Variants in THSD4 observed in about 807,000 individuals in gnomAD.
THSD4 encodes thrombospondin type 1 domain containing 4.
Under a neutral mutation model 119.0 loss-of-function variants are expected in THSD4, and 69 were observed. The observed-to-expected ratio is 0.58, with a 90% CI of 0.48 to 0.71. The LOEUF (loss-of-function observed/expected upper bound fraction) is 0.71. Among genes scored for constraint, THSD4 ranks in the 30% least tolerant of loss-of-function variants. The pLI is 0.00. For missense variants in THSD4, 1,393 were observed against 1,391.1 expected (o/e 1.00, Z -0.02); for synonymous variants, 524 against 540.4 (o/e 0.97, Z 0.42).
chr15:71,510,278 G>GT (rs150428478), intron 7 of THSD4, among the ~76,000 whole-genome samples: 21,166 of 152,160 alleles, frequency 0.14, 1,790 homozygotes, highest in Non-Finnish European at 0.19. Context: ...AATGACAGCT[G>GT]TTTGTTCATC....
At chr15:71,462,773 A>G (rs963910943) in intron 7 of THSD4, among the ~76,000 whole-genome samples, 1 of 152,252 alleles carries the variant, frequency 6.6e-6, no homozygotes, top group Admixed American at 6.5e-5. Flanking sequence ...TCTTTAAAGT[A>G]CAGTCTCCAA....
intron 3 of THSD4, among the ~76,000 whole-genome samples, chr15:71,211,426 A>T (rs2043887420): frequency 1.3e-5 from 2 of 151,962 alleles, no homozygotes; most frequent in Admixed American, 6.6e-5. Flanking sequence ...GTGTTCTCAT[A>T]TGGTGGGGTG....
chr15:71,399,865 C>T (rs11072280), intron 6 of THSD4, among the ~76,000 whole-genome samples: 102,433 of 152,026 alleles, frequency 0.67, 35,804 homozygotes, highest in East Asian at 0.83. Flanking sequence ...GTTTGAAAGC[C>T]ACTGAATCAG....
At chr15:71,119,665 G>A (rs534907480) in intron 1 of THSD4, among the ~76,000 whole-genome samples, 4 of 152,284 alleles carry the variant, frequency 2.6e-5, no homozygotes, top group East Asian at 3.9e-4. Flanking sequence ...GGACCTGAGC[G>A]AGTGCTCAGG....
chr15:71,152,673 C>T (rs1212173623), intron 2 of THSD4, among the ~76,000 whole-genome samples: 1 of 152,098 alleles, frequency 6.6e-6, no homozygotes, highest in Non-Finnish European at 1.5e-5. Flanking sequence ...AAGACGTTCC[C>T]AGCGGGACTG....
At chr15:71,314,144 C>CT (rs1156895550) in intron 6 of THSD4, among the ~76,000 whole-genome samples, 4 of 151,860 alleles carry the variant, frequency 2.6e-5, no homozygotes, top group Admixed American at 1.3e-4. Context: ...TGATTATAGC[C>CT]TTTTTTAAAG....
chr15:71,293,140 G>A lies in THSD4; in HGVS notation c.1015+36425G>A, dbSNP rs992245152. Among the ~76,000 whole-genome samples the A allele has an allele frequency of 2.0e-5, 3 of 152,182 alleles. 1 individual carries two copies. The highest frequency in any genetic ancestry group is 1.3e-4 in the Admixed American group (2 of 15,282). On this transcript the variant is annotated intron_variant, in intron 6 of 17. Coordinates refer to ENST00000261862, the MANE Select transcript of THSD4 (RefSeq NM_024817.3). ...ATATTGGACAGGTCGAAAGTTCTAC[G>A]TGCATGTGCTGCAGATGCCCTGTGC...
chr15:71,238,489 A>G (rs574438857), intron 4 of THSD4, among the ~76,000 whole-genome samples: 9 of 152,222 alleles, frequency 5.9e-5, no homozygotes, highest in East Asian at 3.9e-4. Context: ...TCTCTCCCCA[A>G]TCCCTGGAAA....
chr15:71,575,956 A>T (rs2049440847), intron 7 of THSD4, among the ~76,000 whole-genome samples: 2 of 152,240 alleles, frequency 1.3e-5, no homozygotes, highest in African/African-American at 4.8e-5. Flanking sequence ...AAGTGTGAAA[A>T]TGAAGACTAT....
At chr15:71,734,575 T>C (rs1479962017) in intron 10 of THSD4, among the ~76,000 whole-genome samples, 1 of 152,142 alleles carries the variant, frequency 6.6e-6, no homozygotes, top group Non-Finnish European at 1.5e-5. Flanking sequence ...GGCGGATGCA[T>C]GTCACTGTGC....
chr15:71,485,737 C>T (rs2047805815), intron 7 of THSD4, among the ~76,000 whole-genome samples: 1 of 151,880 alleles, frequency 6.6e-6, no homozygotes, highest in Admixed American at 6.6e-5. Context: ...TTAACAGTAC[C>T]TCTCATTGAA....
rs2044761973 is a variant in THSD4 at position 71,289,417 on chromosome 15, G to A, written c.1015+32702G>A. Among the ~76,000 whole-genome samples, 3 of 152,138 alleles carry A rather than the reference G, an allele frequency of 2.0e-5. 1 individual carries two copies. The South Asian group carries it at 6.2e-4, about 32-fold the overall frequency. ...CAAGCAGAGGTCAGTTGGGGAACATGCCCCATCCTGTTTTCTCTCCCTCCT... is the reference window on the plus strand; with the variant it reads ...CAAGCAGAGGTCAGTTGGGGAACATACCCCATCCTGTTTTCTCTCCCTCCT... On this transcript the variant is annotated intron_variant, in intron 6 of 17. Transcript: ENST00000261862.
intron 6 of THSD4, among the ~76,000 whole-genome samples, chr15:71,299,840 A>AT (rs1283946417): frequency 2.0e-5 from 3 of 151,778 alleles, no homozygotes; most frequent in Non-Finnish European, 4.4e-5. Context: ...TAAAAATAAC[A>AT]TTGGGCTGGA....
chr15:71,663,830 C>T (rs2051360067), intron 8 of THSD4, among the ~76,000 whole-genome samples: 1 of 152,084 alleles, frequency 6.6e-6, no homozygotes, highest in East Asian at 1.9e-4. Flanking sequence ...GGTTTTCTTA[C>T]CTTGTGAGTT....
chr15:71,330,154 C>T (rs1034067310), intron 6 of THSD4, among the ~76,000 whole-genome samples: 2 of 151,502 alleles, frequency 1.3e-5, no homozygotes, highest in Non-Finnish European at 1.5e-5. Flanking sequence ...CTGGGCCAAA[C>T]GAGGAGGGGT....
chr15:71,111,333 T>C, upstream of THSD4: 1 of 1,613,988 alleles, frequency 6.2e-7, no homozygotes, highest in Non-Finnish European at 8.5e-7. Context: ...CTGCAGAATT[T>C]TCTCTTGCCC....
chr15:71,629,164 C>T (rs557877554), intron 7 of THSD4, among the ~76,000 whole-genome samples: 43 of 152,262 alleles, frequency 2.8e-4, no homozygotes, highest in Middle Eastern at 3.4e-3. Flanking sequence ...TGTAGTGGAA[C>T]GGCCAGAAAA....
rs1444190862 is a variant in THSD4, at chr15:71,621,104, C to A, written c.1153-39426C>A. On this transcript the variant is annotated intron_variant, in intron 7 of 17. Transcript: ENST00000261862. ...CCCAAAGTACCATGGATTATCAATTCTAAAATGCACAATTGTTTCACATCT... is the reference window on the plus strand; with the variant it reads ...CCCAAAGTACCATGGATTATCAATTATAAAATGCACAATTGTTTCACATCT... Among the ~76,000 whole-genome samples, 4 of 152,152 alleles carry A rather than the reference C, an allele frequency of 2.6e-5. No individual in the cohort carries two copies. In the East Asian group the frequency reaches 7.7e-4, roughly 29 times the overall value.
Position 71,728,673 on chromosome 15 carries a change from CG to C in THSD4, c.1484del (p.Gly495GlufsTer18), listed in dbSNP as rs2052913698. On this transcript the variant is annotated frameshift_variant, in exon 9 of 18. Transcript: ENST00000261862. LOFTEE classifies it high-confidence loss of function. ...GTCCAAATGAGATTTCGAGCACTGC[CG>C]GAGAGTCCTTTTTGGCGGAAGGTCC... ...KRPNEISSTA[G>X]ESFLAEGPTN... is the part of the protein sequence containing the mutation. 6.2e-7 allele frequency: 1 copy of C among 1,614,170 alleles called. No homozygotes were observed. The highest frequency in any genetic ancestry group is 1.7e-5 in the Admixed American group (1 of 60,022).
Sources: allele counts gnomAD v4.1 joint callset (sites outside exome capture counted in the v4.1 genomes callset), GRCh38; gene constraint gnomAD v4.1.1; transcripts MANE v1.5; gene names NCBI Gene and HGNC (gene_info 2026-07-23, HGNC 2026-07-21).